Variants in A2ML1 observed in about 807,000 individuals in gnomAD.
A2ML1 encodes the protein alpha-2-macroglobulin like 1.
A neutral mutation model predicts 181.9 loss-of-function variants in A2ML1; 161 were observed. That is an observed-to-expected ratio of 0.89 (90% CI 0.78 to 1.01). The LOEUF is 1.01. A2ML1 is among the 50% of genes least tolerant of loss of function. A2ML1 has a pLI of 0.00. For missense variants in A2ML1, 1,670 were observed against 1,768.1 expected (o/e 0.94, Z 1.00); for synonymous variants, 663 against 666.8 (o/e 0.99, Z 0.09).
rs992949380 is a variant in A2ML1, at chr12:8,861,548, C to T, written c.3502+251C>T. On this transcript the variant is annotated intron_variant, in intron 28 of 35. Transcript: ENST00000299698. ...TGTTGCCCAGGCTGGAGTGCAGTGG[C>T]GTGATCTCGGCTCACTCCAAGTTCC... 3.9e-5 allele frequency among the ~76,000 whole-genome samples: 6 copies of T among 152,068 alleles called. No individual in the cohort carries two copies. The East Asian group carries it at 1.2e-3, about 29-fold the overall frequency.
intron 4 of A2ML1, 52 bp downstream of exon 4, chr12:8,829,831 G>C (rs1943053042): frequency 2.5e-6 from 4 of 1,608,976 alleles, no homozygotes; most frequent in Non-Finnish European, 3.4e-6. Flanking sequence ...GGAAAAGGAT[G>C]AGAGATTCTC....
chr12:8,884,232 T>A (rs56885208), intron 7 of A2ML1, among the ~76,000 whole-genome samples: 28,409 of 140,406 alleles, frequency 0.2, 3,515 homozygotes, highest in East Asian at 0.45. Flanking sequence ...TTATTTTTTG[T>A]TTTTTTTTGT....
At chr12:8,882,124 G>A (rs1944877847) in intron 7 of A2ML1, among the ~76,000 whole-genome samples, 1 of 152,166 alleles carries the variant, frequency 6.6e-6, no homozygotes, top group Non-Finnish European at 1.5e-5. Context: ...TGAAGATAAA[G>A]ACTGGCAGTT....
chr12:8,824,007 T>C, intron 3 of A2ML1, 125 bp downstream of exon 3: 1 of 1,124,042 alleles, frequency 8.9e-7, no homozygotes, highest in Non-Finnish European at 1.2e-6. Context: ...GAGGAAAATC[T>C]GGGGGGATTA....
At chr12:8,845,608 G>A in intron 13 of A2ML1, 106 bp downstream of exon 13, 1 of 1,129,372 alleles carries the variant, frequency 8.9e-7, no homozygotes, top group Non-Finnish European at 1.3e-6. Flanking sequence ...AGCACTTTGG[G>A]AGGCCGAGGT....
At chr12:8,856,515 T>C (rs11047620) in intron 23 of A2ML1, among the ~76,000 whole-genome samples, 5 of 152,094 alleles carry the variant, frequency 3.3e-5, no homozygotes, top group Non-Finnish European at 1.5e-5. Context: ...TTGGGAAGTA[T>C]ATGAAGGGGT....
At chr12:8,824,101 C>T (rs1380852136) in intron 3 of A2ML1, among the ~76,000 whole-genome samples, 2 of 151,424 alleles carry the variant, frequency 1.3e-5, no homozygotes, top group Non-Finnish European at 2.9e-5. Flanking sequence ...GTATCTAAAA[C>T]AAAAGTACAC....
In A2ML1 at chr12:8,845,884, T is replaced by A. The variant is rs866594834; in HGVS notation, c.1538-193T>A. Reference sequence around the variant, plus strand: ...AAAAAATAAATAAAATAAAATAAAATAAAATAAAAAAATTCTTATCCACAG... The same window carrying A: ...AAAAAATAAATAAAATAAAATAAAAAAAAATAAAAAAATTCTTATCCACAG... On this transcript the variant is annotated intron_variant, in intron 13 of 35. Coordinates refer to ENST00000299698, the MANE Select transcript of A2ML1 (RefSeq NM_144670.6). Among the ~76,000 whole-genome samples the A allele has an allele frequency of 4.6e-3, 451 of 98,908 alleles. 27 individuals are homozygous for A. The highest frequency in any genetic ancestry group is 0.024 in the African/African-American group (423 of 17,906). The allele number at this position is 98,908 out of a possible 152,430, so 64.9% of individuals were successfully genotyped here. A position where few individuals can be genotyped will look rare whatever the true frequency, so the allele number is the denominator to read the frequency against.
At position 8,845,481 on chromosome 12, in the gene A2ML1, C is replaced by A; in HGVS notation, c.1516C>A (p.His506Asn). The change falls in exon 13 of 36, where the codon CAC becomes AAC. Residue 506 changes from histidine to asparagine, a missense_variant. His to Asn is a moderately conservative substitution (Grantham distance 68, BLOSUM62 1). Transcript: ENST00000299698. ...AAGTTTGGTGATGGAGGGGCAGAAA[C>A]ACCTGAACTCTAAGAAGAAAGGTGA... ...KGSLVMEGQK[H>N]LNSKKKGLKA... 6.2e-7 allele frequency: 1 copy of A among 1,614,166 alleles called. No individual in the cohort carries two copies. The highest frequency in any genetic ancestry group is 8.5e-7 in the Non-Finnish European group (1 of 1,180,020).
intron 33 of A2ML1, among the ~76,000 whole-genome samples, chr12:8,873,972 G>C (rs1006865666): frequency 1.1e-4 from 16 of 152,010 alleles, no homozygotes; most frequent in Non-Finnish European, 1.5e-4. Flanking sequence ...TAGGGCAGTA[G>C]CGGTACATAG....
At chr12:8,849,061 C>T in intron 16 of A2ML1, 147 bp downstream of exon 16, 1 of 809,946 alleles carries the variant, frequency 1.2e-6, no homozygotes, top group South Asian at 2.0e-5. Flanking sequence ...GTAAGGTCGC[C>T]TCTGTTGGCC....
At position 8,873,095 on chromosome 12, in the gene A2ML1, G is replaced by T. The variant is rs138518786; in HGVS notation, c.4222-1330G>T. 2.6e-5 allele frequency among the ~76,000 whole-genome samples: 4 copies of T among 151,998 alleles called. No homozygotes were observed. In the East Asian group the frequency reaches 7.7e-4, roughly 29 times the overall value. The stretch of plus-strand genomic sequence containing the variant: ...TTAATATCATTCTAAAAATAATTCT[G>T]ACCTCTCAGATATTCTGATGCAATC... On this transcript the variant is annotated intron_variant, in intron 33 of 35. Transcript: ENST00000299698.
intron 6 of A2ML1, among the ~76,000 whole-genome samples, chr12:8,835,981 C>T (rs1943259282): frequency 7.0e-6 from 1 of 143,676 alleles, no homozygotes; most frequent in African/African-American, 2.7e-5. Context: ...CCACTGCACT[C>T]CAGCCTGGGT....
At chr12:8,840,323 G>A (rs1943426231) in intron 10 of A2ML1, among the ~76,000 whole-genome samples, 1 of 149,494 alleles carries the variant, frequency 6.7e-6, no homozygotes, top group African/African-American at 2.5e-5. Flanking sequence ...TCATGCCACT[G>A]CACTCCAGCC....
chr12:8,868,339 C>G lies in A2ML1; in HGVS notation c.4043C>G (p.Thr1348Ser). ...CEQPTSPRSL[T>S]LTIHTSYVGS... ...CAACCGACTTCACCTCGATCCTTGACTCTCACTATTCACACCAGGTGATTA... is the reference window on the plus strand; with the variant it reads ...CAACCGACTTCACCTCGATCCTTGAGTCTCACTATTCACACCAGGTGATTA... Residue 1348 changes from threonine to serine, a missense_variant, in exon 31 of 36, where the codon ACT becomes AGT. Coordinates refer to ENST00000299698, the MANE Select transcript of A2ML1 (RefSeq NM_144670.6). The G allele has an allele frequency of 5.0e-6, 8 of 1,613,520 alleles. No individual in the cohort carries two copies. The highest frequency in any genetic ancestry group is 6.8e-6 in the Non-Finnish European group (8 of 1,179,896).
At chr12:8,846,637 C>T (rs1181037217) in intron 14 of A2ML1, among the ~76,000 whole-genome samples, 1 of 151,996 alleles carries the variant, frequency 6.6e-6, no homozygotes, top group African/African-American at 2.4e-5. Flanking sequence ...CTGGTGAAAC[C>T]GTGTCTCTAC....
intron 17 of A2ML1, 32 bp downstream of exon 17, chr12:8,849,791 G>A: frequency 6.3e-7 from 1 of 1,597,728 alleles, no homozygotes; most frequent in South Asian, 1.1e-5. Flanking sequence ...TGGATTCTCT[G>A]AGATGTTAAC....
intron 10 of A2ML1, among the ~76,000 whole-genome samples, chr12:8,840,692 G>A (rs1217150625): frequency 1.3e-5 from 2 of 151,794 alleles, no homozygotes; most frequent in African/African-American, 4.8e-5. Flanking sequence ...GGCGAATCAC[G>A]AGGTCAGGAG....
At chr12:8,873,241 G>A (rs1185141118) in intron 33 of A2ML1, among the ~76,000 whole-genome samples, 2 of 137,626 alleles carry the variant, frequency 1.5e-5, no homozygotes, top group African/African-American at 3.0e-5. Flanking sequence ...TTTATAATAC[G>A]ATTTTTTTTT....
Sources: gnomAD v4.1 joint callset for allele counts (sites outside exome capture counted in the v4.1 genomes callset) on GRCh38, gnomAD v4.1.1 for gene constraint, MANE v1.5 for transcripts, NCBI Gene and HGNC (gene_info 2026-07-23, HGNC 2026-07-21) for gene names.